The following ETV6 variants were observed in gnomAD, a reference collection of about 807,000 sequenced individuals.
ETV6 encodes transcription factor ETV6.
A neutral mutation model predicts 51.1 loss-of-function variants in ETV6; 16 were observed. That is an observed-to-expected ratio of 0.31 (90% CI 0.21 to 0.48). The LOEUF is 0.48. Ranked by LOEUF, ETV6 falls within the 20% of genes least tolerant of loss-of-function variation. The probability of loss-of-function intolerance (pLI) is 0.99; values close to 1 mark genes in which losing one functional copy is unlikely to be tolerated. For missense variants in ETV6, 458 were observed against 594.8 expected (o/e 0.77, Z 2.39); for synonymous variants, 240 against 224.1 (o/e 1.07, Z -0.64).
In ETV6 at chr12:11,891,241, T is replaced by A; in HGVS notation, c.*195T>A. On this transcript the variant is annotated 3_prime_UTR_variant, in exon 8 of 8. Transcript: ENST00000396373. ...ACAAACTACCCAGCACAGGCGGGGC[T>A]GGAATTCTGGCGGAGGGCATGAGCC... 1.9e-6 allele frequency: 1 copy of A among 525,164 alleles called. No individual in the cohort carries two copies. Among genetic ancestry groups the A allele is most frequent in the East Asian group, 3.2e-5 (1 of 31,110 alleles). The allele number at this position is 525,164 out of a possible 1,614,324, so 32.5% of individuals were successfully genotyped here. A position where few individuals can be genotyped will look rare whatever the true frequency, so the allele number is the denominator to read the frequency against.
At chr12:11,698,613 A>G (rs1335218732) in intron 1 of ETV6, among the ~76,000 whole-genome samples, 1 of 152,020 alleles carries the variant, frequency 6.6e-6, no homozygotes, top group Admixed American at 6.5e-5. Context: ...ACAACTAGCA[A>G]GGGAGTTTAA....
At chr12:11,777,395 T>C (rs1945345424) in intron 2 of ETV6, among the ~76,000 whole-genome samples, 1 of 152,098 alleles carries the variant, frequency 6.6e-6, no homozygotes, top group South Asian at 2.1e-4. Flanking sequence ...TTATTGTGGT[T>C]ATCTCTAGGT....
intron 5 of ETV6, among the ~76,000 whole-genome samples, chr12:11,883,276 CTTTTTTTTTTTTTTTTTTT>C (rs547786286): frequency 2.5e-5 from 2 of 79,118 alleles, no homozygotes; most frequent in East Asian, 3.8e-4. Context: ...ATGTCTTCTT[CTTTTTTTTTTTTTTTTTTT>C]TTTTTTTTTT....
At chr12:11,784,197 A>C (rs1006334887) in intron 2 of ETV6, among the ~76,000 whole-genome samples, 20 of 152,178 alleles carry the variant, frequency 1.3e-4, no homozygotes, top group African/African-American at 4.8e-4. Context: ...TGGGAGGCCA[A>C]GGTGGGCGGA....
intron 1 of ETV6, among the ~76,000 whole-genome samples, chr12:11,671,646 A>G (rs1864317574): frequency 6.6e-6 from 1 of 152,182 alleles, no homozygotes; most frequent in African/African-American, 2.4e-5. Context: ...GAATAACAGA[A>G]TTTAGACATT....
chr12:11,683,825 C>G (rs1429345743), intron 1 of ETV6, among the ~76,000 whole-genome samples: 2 of 152,132 alleles, frequency 1.3e-5, no homozygotes, highest in Non-Finnish European at 2.9e-5. Context: ...TCTTGTGTTA[C>G]CTTTTTTTCC....
intron 2 of ETV6, among the ~76,000 whole-genome samples, chr12:11,788,668 C>T (rs1242058747): frequency 5.9e-5 from 9 of 152,162 alleles, no homozygotes; most frequent in African/African-American, 2.2e-4. Context: ...TTTTGATTTC[C>T]TGCTCACCAG....
chr12:11,678,131 C>T (rs1239567903), intron 1 of ETV6, among the ~76,000 whole-genome samples: 2 of 152,132 alleles, frequency 1.3e-5, no homozygotes, highest in Non-Finnish European at 2.9e-5. Flanking sequence ...TATGGATGGC[C>T]AGGTACCATG....
At chr12:11,669,387 C>CTCCA (rs1864264845) in intron 1 of ETV6, among the ~76,000 whole-genome samples, 3 of 126,264 alleles carry the variant, frequency 2.4e-5, no homozygotes, top group South Asian at 2.5e-4. Context: ...CCCTCCCTCC[C>CTCCA]TCCCTCCTTT....
intron 1 of ETV6, among the ~76,000 whole-genome samples, chr12:11,727,048 A>AG (rs1865502400): frequency 6.6e-6 from 1 of 152,364 alleles, no homozygotes; most frequent in Admixed American, 6.5e-5. Context: ...AGCAATTCAG[A>AG]GAAAGGGCAC....
At chr12:11,730,236 G>A (rs566636978) in intron 1 of ETV6, among the ~76,000 whole-genome samples, 1 of 152,142 alleles carries the variant, frequency 6.6e-6, no homozygotes, top group Non-Finnish European at 1.5e-5. Context: ...CAAAGCCCAC[G>A]GTCTAGGCAG....
intron 1 of ETV6, among the ~76,000 whole-genome samples, chr12:11,676,155 A>G (rs768312335): frequency 6.6e-6 from 1 of 152,224 alleles, no homozygotes; most frequent in Non-Finnish European, 1.5e-5. Context: ...AGAGGACAGC[A>G]GACAGTCATT....
chr12:11,858,831 G>T (rs980308404), intron 4 of ETV6, among the ~76,000 whole-genome samples: 4 of 63,490 alleles, frequency 6.3e-5, no homozygotes, highest in Admixed American at 6.0e-4. Context: ...CGCAAGTGAT[G>T]AGGAGAACTT....
At chr12:11,678,281 G>A (rs539750180) in intron 1 of ETV6, among the ~76,000 whole-genome samples, 2 of 152,316 alleles carry the variant, frequency 1.3e-5, no homozygotes, top group South Asian at 4.1e-4. Context: ...CTGCTTTTTA[G>A]CATGGATGCT....
At chr12:11,870,074 GC>G in intron 5 of ETV6, 105 bp downstream of exon 5, 2 of 1,325,790 alleles carry the variant, frequency 1.5e-6, no homozygotes, top group Non-Finnish European at 2.0e-6. Flanking sequence ...CCAATTAGGC[GC>G]CCTCCAAGGC....
chr12:11,881,084 T>A (rs1272201297), intron 5 of ETV6, among the ~76,000 whole-genome samples: 1 of 152,122 alleles, frequency 6.6e-6, no homozygotes, highest in Non-Finnish European at 1.5e-5. Context: ...ATTACAGGCA[T>A]GCACCACCAC....
chr12:11,827,749 A>AATGAG (rs1296428745), intron 2 of ETV6, among the ~76,000 whole-genome samples: 1 of 152,174 alleles, frequency 6.6e-6, no homozygotes, highest in East Asian at 1.9e-4. Context: ...CCCAGTTCAG[A>AATGAG]ATGAGAATGA....
chr12:11,721,626 T>C (rs1003662101), intron 1 of ETV6, among the ~76,000 whole-genome samples: 6 of 152,170 alleles, frequency 3.9e-5, no homozygotes, highest in African/African-American at 1.4e-4. Flanking sequence ...TCTTGGGTAC[T>C]GTGCTCACTA....
chr12:11,852,838 T>A (rs546594520), intron 3 of ETV6, among the ~76,000 whole-genome samples: 3 of 152,326 alleles, frequency 2.0e-5, no homozygotes, highest in South Asian at 2.1e-4. Flanking sequence ...TGTATCTTAG[T>A]GATGATGGGA....
Sources: allele counts gnomAD v4.1 joint callset (sites outside exome capture counted in the v4.1 genomes callset), GRCh38; gene constraint gnomAD v4.1.1; transcripts MANE v1.5; gene names NCBI Gene and HGNC (gene_info 2026-07-23, HGNC 2026-07-21).